Variants in POLQ observed in about 807,000 individuals in gnomAD.
POLQ encodes DNA polymerase theta.
Under a neutral mutation model 259.2 loss-of-function variants are expected in POLQ, and 233 were observed. The observed-to-expected ratio is 0.90, with a 90% CI of 0.81 to 1.00. The LOEUF (loss-of-function observed/expected upper bound fraction) is 1.00, where lower values mean the gene tolerates loss of function less well. POLQ is among the 50% of genes least tolerant of loss of function. The pLI is 0.00. For missense variants in POLQ, 2,871 were observed against 3,051.6 expected, an observed-to-expected ratio of 0.94 and a Z score of 1.39; for synonymous variants, 1,025 against 1,048.8, an observed-to-expected ratio of 0.98 and a Z score of 0.44.
At chr3:121,480,862 T>C (rs2047964981) in intron 19 of POLQ, among the ~76,000 whole-genome samples, 1 of 152,172 alleles carries the variant, frequency 6.6e-6, no homozygotes, top group Non-Finnish European at 1.5e-5. Flanking sequence ...CAAACCCTAG[T>C]CTGTATGAAT....
chr3:121,494,944 TTAAAA>T (rs987348580), intron 14 of POLQ: 4 of 885,538 alleles, frequency 4.5e-6, no homozygotes, highest in Non-Finnish European at 6.7e-6. Context: ...ATAAAAATAA[TTAAAA>T]TAATACAAAT....
chr3:121,483,636 C>T (rs1277140395), intron 17 of POLQ, 54 bp from the exon 18 acceptor site: 5 of 1,316,972 alleles, frequency 3.8e-6, no homozygotes, highest in Non-Finnish European at 4.1e-6. Context: ...AAATTACATG[C>T]ATTCATTTGA....
Position 121,533,807 on chromosome 3 carries a change from C to A in POLQ, c.741-598G>T, listed in dbSNP as rs142586433. Among the ~76,000 whole-genome samples the A allele has an allele frequency of 3.1e-3, 473 of 152,140 alleles. 3 individuals are homozygous for A. Among genetic ancestry groups the A allele is most frequent in the African/African-American group, 0.011 (444 of 41,506 alleles). On this transcript the variant is annotated intron_variant, in intron 5 of 29. Coordinates refer to ENST00000264233, the MANE Select transcript of POLQ (RefSeq NM_199420.4). ...GGGATTACAGGTGTGAGCCACTGTG[C>A]CCAGCCAGTATTTCTTTGAAGAAGT...
chr3:121,481,469 G>C, intron 19 of POLQ, 103 bp downstream of exon 19: 1 of 1,074,678 alleles, frequency 9.3e-7, no homozygotes. Context: ...ACAATCCAAA[G>C]GTAGGATTTG....
chr3:121,529,554 C>A (rs1490548240), intron 7 of POLQ, 91 bp downstream of exon 7: 1 of 1,260,710 alleles, frequency 7.9e-7, no homozygotes. Flanking sequence ...CAATGATGAA[C>A]AAAAGCCATG....
At chr3:121,542,855 C>T (rs535656992) in intron 2 of POLQ, among the ~76,000 whole-genome samples, 87 of 151,864 alleles carry the variant, frequency 5.7e-4, no homozygotes, top group Middle Eastern at 3.4e-3. Flanking sequence ...TGGTGGCGGG[C>T]GCCTGTATGT....
At chr3:121,541,856 G>A (rs552299911) in intron 2 of POLQ, among the ~76,000 whole-genome samples, 5 of 152,270 alleles carry the variant, frequency 3.3e-5, no homozygotes, top group African/African-American at 1.2e-4. Context: ...TGGGCATGGT[G>A]GCTCATGCCT....
chr3:121,462,010 C>T (rs2047796226), intron 24 of POLQ, among the ~76,000 whole-genome samples: 1 of 152,164 alleles, frequency 6.6e-6, no homozygotes, highest in East Asian at 1.9e-4. Context: ...ATCCAATATG[C>T]TCCAAAATCC....
rs574381606 is a variant in POLQ, at chr3:121,533,308, T to C, written c.741-99A>G. ...TTGGTTATGCCCTTTGGTACACACA[T>C]GCATACATTTCTTTAGGATATATAC... On this transcript the variant is annotated intron_variant, in intron 5 of 29. Transcript: ENST00000264233. The C allele has an allele frequency of 1.4e-5, 9 of 662,556 alleles. No homozygotes were observed. The African/African-American group carries it at 1.4e-4, about 11-fold the overall frequency. 41.0% of individuals were successfully genotyped at this position (662,556 alleles called of 1,614,324 possible).
In POLQ at chr3:121,442,428, C is replaced by T. The variant is rs186062996; in HGVS notation, c.7265-2312G>A. On this transcript the variant is annotated intron_variant, in intron 26 of 29. Coordinates refer to ENST00000264233, the MANE Select transcript of POLQ (RefSeq NM_199420.4). ...TATTTCTTTGTACCTATTAACAATACCCCCTACCCCCAATACCCTTCCCAG... is the reference window on the plus strand; with the variant it reads ...TATTTCTTTGTACCTATTAACAATATCCCCTACCCCCAATACCCTTCCCAG... 2.5e-3 allele frequency among the ~76,000 whole-genome samples: 385 copies of T among 152,270 alleles called. 1 individual carries two copies. Among genetic ancestry groups the T allele is most frequent in the Middle Eastern group, 6.8e-3 (2 of 294 alleles).
intron 19 of POLQ, among the ~76,000 whole-genome samples, chr3:121,477,649 C>A (rs1379151074): frequency 1.3e-5 from 2 of 152,278 alleles, no homozygotes; most frequent in East Asian, 3.9e-4. Flanking sequence ...TTATTAACAT[C>A]TTGAAAAGTA....
intron 16 of POLQ, among the ~76,000 whole-genome samples, chr3:121,485,545 TAA>T (rs750636325): frequency 1.3e-5 from 2 of 152,144 alleles, no homozygotes; most frequent in Admixed American, 6.5e-5. Flanking sequence ...TCCAGAAAAA[TAA>T]AGACTATTAC....
chr3:121,443,930 G>C (rs1005219026), intron 26 of POLQ, among the ~76,000 whole-genome samples: 1 of 152,016 alleles, frequency 6.6e-6, no homozygotes, highest in Non-Finnish European at 1.5e-5. Flanking sequence ...TCTCTATTCT[G>C]TTCTACTGAT....
chr3:121,498,548 C>T lies in POLQ; in HGVS notation c.2082G>A (p.Leu694=). 6.2e-7 allele frequency: 1 copy of T among 1,614,086 alleles called. No homozygotes were observed. The highest frequency in any genetic ancestry group is 8.5e-7 in the Non-Finnish European group (1 of 1,179,982). Residue 694 remains leucine (L), a synonymous_variant, in exon 13 of 30, where the codon TTG becomes TTA. Transcript: ENST00000264233. The stretch of plus-strand genomic sequence containing the variant: ...CTACTTTTCCTTTCACACAACGGGC[C>T]AAGAACCCCTCTTCAACTCCCACTA... The part of the protein sequence containing the change: ...AELVGVEEGF[L]ARCVKGKVVA...
At chr3:121,504,223 A>C (rs1413086373) in intron 12 of POLQ, among the ~76,000 whole-genome samples, 1 of 152,182 alleles carries the variant, frequency 6.6e-6, no homozygotes, top group Non-Finnish European at 1.5e-5. Flanking sequence ...AACCAACCCC[A>C]CCATCCTCAC....
At chr3:121,519,385 T>TAC (rs56362427) in intron 9 of POLQ, among the ~76,000 whole-genome samples, 1 of 144,404 alleles carries the variant, frequency 6.9e-6, no homozygotes, top group African/African-American at 2.6e-5. Flanking sequence ...TATATATATA[T>TAC]GAAAATTATG....
At position 121,432,953 on chromosome 3, in the gene POLQ, G is replaced by T. The variant is rs1442530873; in HGVS notation, c.7624C>A (p.Leu2542Ile). ...GFFILQLHDE[L>I]LYEVAEEDVV... is the part of the protein sequence containing the mutation. The stretch of plus-strand genomic sequence containing the variant: ...TCTTCTTCTGCCACTTCATATAGGA[G>T]TTCATCATGGAGTTGAAGGATGAAG... The change falls in exon 29 of 30, where the codon CTC becomes ATC. Residue 2542 changes from leucine (L) to isoleucine (I), a missense_variant. Transcript: ENST00000264233. The T allele has an allele frequency of 6.2e-7, 1 of 1,607,698 alleles. No homozygotes were observed. Among genetic ancestry groups the T allele is most frequent in the Admixed American group, 1.7e-5 (1 of 60,006 alleles).
At chr3:121,542,092 C>T in intron 2 of POLQ, among the ~76,000 whole-genome samples, 1 of 151,402 alleles carries the variant, frequency 6.6e-6, no homozygotes, top group East Asian at 1.9e-4. Flanking sequence ...GCCGAGATCA[C>T]CCCACTGCAC....
In POLQ at chr3:121,520,091, A is replaced by C; in HGVS notation, c.1256-8T>G. On this transcript the variant is annotated splice_polypyrimidine_tract_variant and splice_region_variant and intron_variant, in intron 8 of 29. Coordinates refer to ENST00000264233, the MANE Select transcript of POLQ (RefSeq NM_199420.4). ...TCTCCTCAAAAGTAAGACCTAAAAA[A>C]AGGAGGTTTTTATATATTTATTGAT... 2.5e-6 allele frequency: 4 copies of C among 1,569,130 alleles called. No individual in the cohort carries two copies. The highest frequency in any genetic ancestry group is 3.5e-6 in the Non-Finnish European group (4 of 1,141,568).
Sources: allele counts gnomAD v4.1 joint callset (sites outside exome capture counted in the v4.1 genomes callset), GRCh38; gene constraint gnomAD v4.1.1; transcripts MANE v1.5; gene names NCBI Gene and HGNC (gene_info 2026-07-23, HGNC 2026-07-21).